Variants in ENTREP2 observed in about 807,000 individuals in gnomAD.
ENTREP2 encodes the protein endosomal transmembrane epsin interactor 2, also known as protein ENTREP2.
the ENTREP2 span, among the ~76,000 whole-genome samples, chr15:29,434,804 T>C: frequency 1.3e-5 from 2 of 152,136 alleles, no homozygotes; most frequent in Non-Finnish European, 2.9e-5. Context: ...AAACAATGCC[T>C]TAGACGGTGA....
chr15:29,346,755 TTTC>T, the ENTREP2 span, among the ~76,000 whole-genome samples: 3 of 152,308 alleles, frequency 2.0e-5, no homozygotes, highest in East Asian at 5.8e-4. Context: ...TTTAGTGAGT[TTTC>T]TTTTTTTAAA....
the ENTREP2 span, among the ~76,000 whole-genome samples, chr15:29,625,956 C>T: frequency 6.6e-6 from 1 of 152,304 alleles, no homozygotes; most frequent in Admixed American, 6.5e-5. Context: ...AAGTGATTCT[C>T]CTGCCTCAGC....
At chr15:29,657,108 C>T in the ENTREP2 span, among the ~76,000 whole-genome samples, 3 of 152,086 alleles carry the variant, frequency 2.0e-5, no homozygotes, top group Non-Finnish European at 1.5e-5. Context: ...AGGGCAGTGG[C>T]GCGGTCTTGG....
chr15:29,141,664 C>T, the ENTREP2 span, among the ~76,000 whole-genome samples: 2 of 152,346 alleles, frequency 1.3e-5, no homozygotes, highest in South Asian at 4.1e-4. Flanking sequence ...AGGGAGCACA[C>T]ACACCTCTGA....
At chr15:29,347,226 G>A in the ENTREP2 span, among the ~76,000 whole-genome samples, 1 of 152,014 alleles carries the variant, frequency 6.6e-6, no homozygotes, top group African/African-American at 2.4e-5. Context: ...CCAGGCTAGA[G>A]TGCAGCTTCA....
the ENTREP2 span, among the ~76,000 whole-genome samples, chr15:29,398,853 G>A: frequency 3.0e-4 from 45 of 152,310 alleles, no homozygotes; most frequent in Non-Finnish European, 5.9e-4. Context: ...TGGGCCGTGG[G>A]TGGGACTGTG....
At chr15:29,408,258 T>C in the ENTREP2 span, among the ~76,000 whole-genome samples, 3 of 152,088 alleles carry the variant, frequency 2.0e-5, no homozygotes, top group African/African-American at 7.2e-5. Context: ...AAGACATGCA[T>C]AGTGCCTCCC....
chr15:29,412,182 G>C, the ENTREP2 span, among the ~76,000 whole-genome samples: 1 of 151,164 alleles, frequency 6.6e-6, no homozygotes, highest in Non-Finnish European at 1.5e-5. Context: ...TCACAGTATT[G>C]AGTTAGCTTA....
the ENTREP2 span, among the ~76,000 whole-genome samples, chr15:29,332,526 T>C: frequency 6.6e-6 from 1 of 152,244 alleles, no homozygotes; most frequent in Admixed American, 6.5e-5. Context: ...CCTGAGTTCC[T>C]CTGCAGCCTG....
At chr15:29,663,103 T>C in the ENTREP2 span, among the ~76,000 whole-genome samples, 1 of 152,186 alleles carries the variant, frequency 6.6e-6, no homozygotes. Flanking sequence ...TCTGCTGTAA[T>C]TGCTCTGGGC....
the ENTREP2 span, among the ~76,000 whole-genome samples, chr15:29,435,654 CT>C: frequency 6.6e-6 from 1 of 151,260 alleles, no homozygotes; most frequent in African/African-American, 2.4e-5. Context: ...GAGAATGTTG[CT>C]GCATATATAT....
At chr15:29,516,968 C>CAA in the ENTREP2 span, among the ~76,000 whole-genome samples, 905 of 88,544 alleles carry the variant, frequency 0.01, 15 homozygotes, top group African/African-American at 0.022. Flanking sequence ...AATTATGAGC[C>CAA]AAAAAAAAAA....
At chr15:29,540,068 A>G in the ENTREP2 span, among the ~76,000 whole-genome samples, 1 of 152,136 alleles carries the variant, frequency 6.6e-6, no homozygotes, top group Non-Finnish European at 1.5e-5. Flanking sequence ...GTCATATCAC[A>G]GCCCATTGCC....
At chr15:29,644,357 T>C in the ENTREP2 span, among the ~76,000 whole-genome samples, 7 of 152,200 alleles carry the variant, frequency 4.6e-5, no homozygotes, top group Admixed American at 2.0e-4. Flanking sequence ...GATAACCCTA[T>C]GAATATATAC....
chr15:29,172,869 G>C, the ENTREP2 span, among the ~76,000 whole-genome samples: 2 of 152,098 alleles, frequency 1.3e-5, no homozygotes, highest in African/African-American at 4.8e-5. Flanking sequence ...CAGTACCTCA[G>C]GTCTACTCTT....
chr15:29,606,107 G>C, the ENTREP2 span, among the ~76,000 whole-genome samples: 2 of 152,006 alleles, frequency 1.3e-5, no homozygotes, highest in African/African-American at 4.8e-5. Context: ...TAAAAAATGT[G>C]TGCTAGGTCT....
chr15:29,493,012 A>C, the ENTREP2 span, among the ~76,000 whole-genome samples: 4,665 of 151,970 alleles, frequency 0.031, 266 homozygotes, highest in African/African-American at 0.11. Flanking sequence ...TCCAAAAAAA[A>C]AAAGTTTTTG....
At chr15:29,316,687 A>T in the ENTREP2 span, among the ~76,000 whole-genome samples, 1 of 152,190 alleles carries the variant, frequency 6.6e-6, no homozygotes, top group Non-Finnish European at 1.5e-5. Flanking sequence ...TCAATATGTC[A>T]TTCTCTTTAC....
chr15:29,513,261 G>C, the ENTREP2 span, among the ~76,000 whole-genome samples: 51 of 152,262 alleles, frequency 3.3e-4, no homozygotes, highest in Non-Finnish European at 6.0e-4. Flanking sequence ...AAGTGACAAA[G>C]CTAGTCGGTA....
Sources: allele counts gnomAD v4.1 joint callset (sites outside exome capture counted in the v4.1 genomes callset), GRCh38; gene constraint gnomAD v4.1.1; transcripts MANE v1.5; gene names NCBI Gene and HGNC (gene_info 2026-07-23, HGNC 2026-07-21).